The following HS2ST1 variants were observed in gnomAD, a reference collection of about 807,000 sequenced individuals.
The protein encoded by HS2ST1 is 2-O-sulfotransferase.
HS2ST1 carries 18 observed loss-of-function variants against 42.9 expected under a neutral mutation model. That is an observed-to-expected ratio of 0.42 (90% CI 0.29 to 0.62). The LOEUF (loss-of-function observed/expected upper bound fraction) is 0.62. Ranked by LOEUF, HS2ST1 falls within the 20% of genes least tolerant of loss-of-function variation. The pLI, the probability that HS2ST1 is intolerant of heterozygous loss-of-function variation, is 0.21. For missense variants in HS2ST1, 334 were observed against 433.8 expected (o/e 0.77, Z 2.04); for synonymous variants, 146 against 152.9 (o/e 0.95, Z 0.33).
At chr1:86,957,227 C>T (rs1207831586) in intron 1 of HS2ST1, among the ~76,000 whole-genome samples, 1 of 152,138 alleles carries the variant, frequency 6.6e-6, no homozygotes. Flanking sequence ...AAAAGAATTT[C>T]TGAATTTAAA....
intron 5 of HS2ST1, among the ~76,000 whole-genome samples, chr1:87,102,815 C>G (rs992567439): frequency 3.3e-5 from 5 of 152,068 alleles, no homozygotes; most frequent in Admixed American, 2.0e-4. Context: ...AGCTCAAGAT[C>G]ATACTGCTAC....
intron 1 of HS2ST1, among the ~76,000 whole-genome samples, chr1:86,955,184 A>T (rs974437612): frequency 2.9e-4 from 44 of 152,316 alleles, no homozygotes; most frequent in African/African-American, 1.0e-3. Flanking sequence ...AGAGGAGATT[A>T]AACTTTTCTT....
In HS2ST1 at chr1:87,084,261, C is replaced by G; in HGVS notation, c.431C>G (p.Ser144Cys). The G allele has an allele frequency of 6.2e-7, 1 of 1,604,460 alleles. No homozygotes were observed. The highest frequency in any genetic ancestry group is 8.5e-7 in the Non-Finnish European group (1 of 1,174,562). ...MKPGFYHGHV[S>C]YLDFAKFGVK... ...CCAGGATTTTATCATGGACACGTTTCTTACTTGGATTTTGCAAAGTAAGTT... is the reference window on the plus strand; with the variant it reads ...CCAGGATTTTATCATGGACACGTTTGTTACTTGGATTTTGCAAAGTAAGTT... The change falls in exon 3 of 7, where the codon TCT becomes TGT. Residue 144 changes from serine to cysteine, a missense_variant. Coordinates refer to ENST00000370550, the MANE Select transcript of HS2ST1 (RefSeq NM_012262.4).
rs747470260 is a variant in HS2ST1 at position 87,104,456 on chromosome 1, C to T, written c.845-14C>T. The T allele has an allele frequency of 3.3e-6, 5 of 1,519,122 alleles. No homozygotes were observed. The highest frequency in any genetic ancestry group is 1.2e-5 in the South Asian group (1 of 85,240). 94.1% of individuals were successfully genotyped at this position (1,519,122 alleles called of 1,614,324 possible). ...AATTATTTACCTTTCCTTTTTTTCC[C>T]CCTTTGTAAGTAGGAAAGAAATCTC... On this transcript the variant is annotated splice_polypyrimidine_tract_variant and intron_variant, in intron 6 of 6. Transcript: ENST00000370550.
At chr1:87,022,660 T>C (rs1649981812) in intron 1 of HS2ST1, among the ~76,000 whole-genome samples, 1 of 152,142 alleles carries the variant, frequency 6.6e-6, no homozygotes, top group Non-Finnish European at 1.5e-5. Context: ...AAGGTACCTT[T>C]CTTACCTATC....
Position 87,073,065 on chromosome 1 carries a change from A to G in HS2ST1, c.256A>G (p.Ser86Gly). ...TTATAACAGAGTTCCCAAAACGGCA[A>G]GCACTTCATTTACCAATATCGCCTA... ...IIYNRVPKTASTSFTNIAYDL... is the reference protein window; with the variant it reads ...IIYNRVPKTAGTSFTNIAYDL... Residue 86 changes from serine (S) to glycine (G), a missense_variant, in exon 2 of 7, where the codon AGC (serine) becomes GGC (glycine). Ser to Gly is a moderately conservative substitution (Grantham distance 56). Transcript: ENST00000370550. 6.2e-7 allele frequency: 1 copy of G among 1,614,120 alleles called. No individual in the cohort carries two copies. The highest frequency in any genetic ancestry group is 8.5e-7 in the Non-Finnish European group (1 of 1,179,962).
At chr1:87,087,546 C>T (rs944345618) in intron 3 of HS2ST1, among the ~76,000 whole-genome samples, 3 of 151,984 alleles carry the variant, frequency 2.0e-5, no homozygotes, top group Non-Finnish European at 4.4e-5. Context: ...TATGTCACGA[C>T]AAGAAACAAC....
In HS2ST1 at chr1:87,061,246, T is replaced by G. The variant is rs577670350; in HGVS notation, c.125-11688T>G. 1.9e-4 allele frequency among the ~76,000 whole-genome samples: 29 copies of G among 152,268 alleles called. No homozygotes were observed. In the South Asian group the frequency reaches 5.6e-3, roughly 29 times the overall value. On this transcript the variant is annotated intron_variant, in intron 1 of 6. Coordinates refer to ENST00000370550, the MANE Select transcript of HS2ST1 (RefSeq NM_012262.4). ...TATAAGATCTCAATATTTGGTAATT[T>G]TTTTGAAGTGAAACAAACATAAGTT...
At chr1:87,053,729 T>G (rs1650889428) in intron 1 of HS2ST1, among the ~76,000 whole-genome samples, 1 of 152,114 alleles carries the variant, frequency 6.6e-6, no homozygotes, top group African/African-American at 2.4e-5. Flanking sequence ...TATCTACAAG[T>G]GGACAACATG....
At chr1:86,935,123 G>A (rs1044377538) in intron 1 of HS2ST1, among the ~76,000 whole-genome samples, 1 of 151,786 alleles carries the variant, frequency 6.6e-6, no homozygotes, top group Non-Finnish European at 1.5e-5. Context: ...GGGATGCAGG[G>A]AATAGGATAT....
chr1:87,031,401 A>G (rs1255370254), intron 1 of HS2ST1, among the ~76,000 whole-genome samples: 1 of 152,036 alleles, frequency 6.6e-6, no homozygotes, highest in African/African-American at 2.4e-5. Flanking sequence ...GTTGGGAGTC[A>G]TCGTTGAGAA....
At chr1:87,007,403 C>T (rs748833216) in intron 1 of HS2ST1, among the ~76,000 whole-genome samples, 1 of 151,904 alleles carries the variant, frequency 6.6e-6, no homozygotes, top group African/African-American at 2.4e-5. Flanking sequence ...CTCCTGCCAC[C>T]ATTTCTACAA....
chr1:86,985,215 C>T (rs1462501908), intron 1 of HS2ST1, among the ~76,000 whole-genome samples: 8 of 146,398 alleles, frequency 5.5e-5, no homozygotes, highest in Admixed American at 1.4e-4. Flanking sequence ...ATTAGCTGGG[C>T]GTGGTGGCAG....
chr1:87,005,849 A>G (rs1296833235), intron 1 of HS2ST1, among the ~76,000 whole-genome samples: 2 of 152,142 alleles, frequency 1.3e-5, no homozygotes, highest in East Asian at 1.9e-4. Flanking sequence ...AATCAGTGTG[A>G]TGGAAGAAAA....
Position 87,108,239 on chromosome 1 carries a change from C to T in HS2ST1, c.*3543C>T, listed in dbSNP as rs1243952556. Reference sequence around the variant, plus strand: ...TAAAAGCTGGTTCCCAAATGCATAGCTGGCATTTTAATTTAAATTCAAATC... The same window carrying T: ...TAAAAGCTGGTTCCCAAATGCATAGTTGGCATTTTAATTTAAATTCAAATC... On this transcript the variant is annotated 3_prime_UTR_variant, in exon 7 of 7. Transcript: ENST00000370550. 6.6e-6 allele frequency: 1 copy of T among 152,080 alleles called. No homozygotes were observed. The highest frequency in any genetic ancestry group is 2.4e-5 in the African/African-American group (1 of 41,426). The allele number at this position is 152,080 out of a possible 1,614,324, so 9.4% of individuals were successfully genotyped here. A position where few individuals can be genotyped will look rare whatever the true frequency, so the allele number is the denominator to read the frequency against.
At chr1:87,079,173 G>A (rs1048218384) in intron 2 of HS2ST1, among the ~76,000 whole-genome samples, 7 of 151,560 alleles carry the variant, frequency 4.6e-5, no homozygotes, top group Admixed American at 4.6e-4. Context: ...GGTCGCCCAG[G>A]CTGGACCAGG....
rs1422736777 is a variant in HS2ST1 at position 87,097,719 on chromosome 1, A to C, written c.589-119A>C. On this transcript the variant is annotated intron_variant, in intron 4 of 6. Coordinates refer to ENST00000370550, the MANE Select transcript of HS2ST1 (RefSeq NM_012262.4). Reference sequence around the variant, plus strand: ...GATTAATTTACATGACTCCAAAAAAAATAAGAGTGTCTCATCCCACCTACT... The same window carrying C: ...GATTAATTTACATGACTCCAAAAAACATAAGAGTGTCTCATCCCACCTACT... 4.3e-6 allele frequency: 5 copies of C among 1,152,692 alleles called. No homozygotes were observed. The East Asian group carries it at 1.0e-4, about 24-fold the overall frequency. The allele number at this position is 1,152,692 out of a possible 1,614,324, so 71.4% of individuals were successfully genotyped here.
chr1:87,103,286 C>T lies in HS2ST1; in HGVS notation c.687-146C>T, dbSNP rs942724938. Reference sequence around the variant, plus strand: ...GCAAATGAAATTGGAAACAGGTGTGCCTCCCACAGGATGGTAATAAAGAGG... The same window carrying T: ...GCAAATGAAATTGGAAACAGGTGTGTCTCCCACAGGATGGTAATAAAGAGG... On this transcript the variant is annotated intron_variant, in intron 5 of 6. Coordinates refer to ENST00000370550, the MANE Select transcript of HS2ST1 (RefSeq NM_012262.4). 1.5e-5 allele frequency: 9 copies of T among 604,504 alleles called. No homozygotes were observed. In the Admixed American group the frequency reaches 3.4e-4, roughly 23 times the overall value. 37.4% of individuals were successfully genotyped at this position (604,504 alleles called of 1,614,324 possible).
At chr1:86,932,392 A>C (rs1660563201) in intron 1 of HS2ST1, 1 of 152,120 alleles carries the variant, frequency 6.6e-6, no homozygotes, top group Non-Finnish European at 1.5e-5. Flanking sequence ...CTGGTTGTTC[A>C]TGATATACCA....
Sources: gnomAD v4.1 joint callset for allele counts (sites outside exome capture counted in the v4.1 genomes callset) on GRCh38, gnomAD v4.1.1 for gene constraint, MANE v1.5 for transcripts, NCBI Gene and HGNC (gene_info 2026-07-23, HGNC 2026-07-21) for gene names.